Variants in GRIK2 observed in about 807,000 individuals in gnomAD.
The protein encoded by GRIK2 is glutamate receptor ionotropic, kainate 2.
GRIK2 carries 32 observed loss-of-function variants against 100.3 expected under a neutral mutation model. The ratio of observed to expected loss-of-function variants is 0.32; its 90% CI spans 0.24 to 0.43. The LOEUF (loss-of-function observed/expected upper bound fraction) is 0.43. Ranked by LOEUF, GRIK2 falls within the 20% of genes least tolerant of loss-of-function variation. GRIK2 has a pLI of 1.00. For missense variants in GRIK2, 843 were observed against 1,114.9 expected, an observed-to-expected ratio of 0.76 and a Z score of 3.47; for synonymous variants, 417 against 389.4, an observed-to-expected ratio of 1.07 and a Z score of -0.83.
chr6:101,793,122 A>T (rs891203513), intron 7 of GRIK2, among the ~76,000 whole-genome samples: 1 of 152,082 alleles, frequency 6.6e-6, no homozygotes, highest in African/African-American at 2.4e-5. Flanking sequence ...AATTTTTTTC[A>T]AAGTTTTCAA....
At chr6:101,741,335 C>T (rs559554378) in intron 7 of GRIK2, among the ~76,000 whole-genome samples, 14 of 152,316 alleles carry the variant, frequency 9.2e-5, no homozygotes, top group Admixed American at 7.2e-4. Flanking sequence ...AATCCAGATA[C>T]ACTTGTCTGC....
At chr6:102,007,755 G>A (rs1020236121) in intron 14 of GRIK2, among the ~76,000 whole-genome samples, 5 of 152,066 alleles carry the variant, frequency 3.3e-5, no homozygotes, top group Admixed American at 2.6e-4. Flanking sequence ...TCTTAGGAAA[G>A]AGGTTTAATT....
chr6:101,784,867 G>C lies in GRIK2; in HGVS notation c.952-14781G>C, dbSNP rs575096005. On this transcript the variant is annotated intron_variant, in intron 7 of 16. Transcript: ENST00000369134. ...ACCTCTTTTGTTTATAAATTACCCAGTCTCAGGTAGTATCTTTATAGCAGT... is the reference window on the plus strand; with the variant it reads ...ACCTCTTTTGTTTATAAATTACCCACTCTCAGGTAGTATCTTTATAGCAGT... 1.1e-4 allele frequency among the ~76,000 whole-genome samples: 17 copies of C among 152,238 alleles called. No homozygotes were observed. The South Asian group carries it at 3.5e-3, about 32-fold the overall frequency.
chr6:101,692,845 A>T (rs1457673406), intron 7 of GRIK2, among the ~76,000 whole-genome samples: 2 of 152,118 alleles, frequency 1.3e-5, no homozygotes, highest in African/African-American at 4.8e-5. Flanking sequence ...TGGCAGAAAT[A>T]CTTGTATATT....
At chr6:101,541,437 T>A (rs117558103) in intron 2 of GRIK2, among the ~76,000 whole-genome samples, 150,719 of 150,734 alleles carry the variant, frequency 1, 75,352 homozygotes, top group Middle Eastern at 1. Flanking sequence ...CACTACACCC[T>A]TATACAAACC....
chr6:101,478,250 C>A (rs1772348763), intron 2 of GRIK2, among the ~76,000 whole-genome samples: 1 of 151,592 alleles, frequency 6.6e-6, no homozygotes, highest in African/African-American at 2.4e-5. Flanking sequence ...CTGGTTCTAC[C>A]AACAGAATTT....
At chr6:101,395,717 A>T (rs1358903899) in intron 1 of GRIK2, among the ~76,000 whole-genome samples, 1 of 152,194 alleles carries the variant, frequency 6.6e-6, no homozygotes, top group South Asian at 2.1e-4. Flanking sequence ...TTGCATTAAC[A>T]TGATATGCAT....
At chr6:101,644,359 GA>G (rs1197315275) in intron 4 of GRIK2, among the ~76,000 whole-genome samples, 1 of 151,662 alleles carries the variant, frequency 6.6e-6, no homozygotes, top group African/African-American at 2.4e-5. Flanking sequence ...ATGGTATGGT[GA>G]ACTGGTAGCA....
chr6:101,900,664 A>G (rs544172700), intron 12 of GRIK2, among the ~76,000 whole-genome samples: 1 of 152,230 alleles, frequency 6.6e-6, no homozygotes, highest in South Asian at 2.1e-4. Context: ...GTGGGGATGT[A>G]GAAAACCCAC....
At chr6:101,572,227 T>A (rs181414042) in intron 2 of GRIK2, among the ~76,000 whole-genome samples, 111 of 152,262 alleles carry the variant, frequency 7.3e-4, no homozygotes, top group Admixed American at 2.8e-3. Context: ...ATCACAATAT[T>A]TGGTAGCAAA....
chr6:101,747,610 T>A lies in GRIK2; in HGVS notation c.952-52038T>A, dbSNP rs569651262. ...GTAATAAAATTAAGATATATGTACA[T>A]CTTAATTTATTGAGTCAATATTAAT... On this transcript the variant is annotated intron_variant, in intron 7 of 16. Coordinates refer to ENST00000369134, the MANE Select transcript of GRIK2 (RefSeq NM_021956.5). 5.9e-5 allele frequency among the ~76,000 whole-genome samples: 9 copies of A among 152,298 alleles called. No individual in the cohort carries two copies. In the East Asian group the frequency reaches 1.2e-3, roughly 20 times the overall value.
At chr6:101,608,339 T>C (rs940196603) in intron 2 of GRIK2, among the ~76,000 whole-genome samples, 1 of 151,978 alleles carries the variant, frequency 6.6e-6, no homozygotes, top group Non-Finnish European at 1.5e-5. Context: ...TGGTTTACAA[T>C]GCTATTGTAG....
chr6:101,632,383 G>A (rs944904500), intron 4 of GRIK2, among the ~76,000 whole-genome samples: 2 of 152,134 alleles, frequency 1.3e-5, no homozygotes, highest in African/African-American at 4.8e-5. Context: ...ATGTTGCCTG[G>A]TTGTGGAAGT....
intron 14 of GRIK2, among the ~76,000 whole-genome samples, chr6:101,964,814 C>A (rs181489544): frequency 4.0e-4 from 61 of 152,238 alleles, no homozygotes; most frequent in Admixed American, 3.9e-3. Flanking sequence ...GCAGGGAGAA[C>A]ACAATGAGTC....
chr6:101,418,406 A>G (rs1178464068), intron 2 of GRIK2, among the ~76,000 whole-genome samples: 1 of 152,042 alleles, frequency 6.6e-6, no homozygotes, highest in African/African-American at 2.4e-5. Context: ...TTACGTATCG[A>G]GGGGTGGGGT....
Position 101,702,046 on chromosome 6 carries a change from G to A in GRIK2, c.951+15693G>A, listed in dbSNP as rs149029057. On this transcript the variant is annotated intron_variant, in intron 7 of 16. Coordinates refer to ENST00000369134, the MANE Select transcript of GRIK2 (RefSeq NM_021956.5). ...TATCATGTTTCTGTATTTTGACTCC[G>A]TGGTTTGGTATTCTTATTTTTCTAT... Among the ~76,000 whole-genome samples the A allele has an allele frequency of 3.9e-3, 541 of 139,188 alleles. 5 individuals are homozygous for A. The highest frequency in any genetic ancestry group is 0.011 in the Admixed American group (143 of 13,280). 91.3% of individuals were successfully genotyped at this position (139,188 alleles called of 152,430 possible).
chr6:101,759,577 G>A (rs372851741), intron 7 of GRIK2, among the ~76,000 whole-genome samples: 1 of 152,104 alleles, frequency 6.6e-6, no homozygotes, highest in East Asian at 1.9e-4. Flanking sequence ...CTGTTTACCA[G>A]GGGACATATG....
chr6:101,858,258 G>T (rs575109831), intron 10 of GRIK2, among the ~76,000 whole-genome samples: 1 of 151,990 alleles, frequency 6.6e-6, no homozygotes, highest in Non-Finnish European at 1.5e-5. Context: ...GAACTTCATG[G>T]CTCAAGGATT....
At chr6:101,499,596 A>T (rs1773644789) in intron 2 of GRIK2, among the ~76,000 whole-genome samples, 1 of 152,134 alleles carries the variant, frequency 6.6e-6, no homozygotes, top group African/African-American at 2.4e-5. Flanking sequence ...GAGAAAGTTA[A>T]GTTTCCAGAA....
Sources: allele counts gnomAD v4.1 joint callset (sites outside exome capture counted in the v4.1 genomes callset), GRCh38; gene constraint gnomAD v4.1.1; transcripts MANE v1.5; gene names NCBI Gene and HGNC (gene_info 2026-07-23, HGNC 2026-07-21).